CSGALNACT1: variants seen among roughly 807,000 people sequenced by gnomAD.
CSGALNACT1 encodes chondroitin sulfate N-acetylgalactosaminyltransferase 1.
A neutral mutation model predicts 51.0 loss-of-function variants in CSGALNACT1; 52 were observed. The ratio of observed to expected loss-of-function variants is 1.02; its 90% confidence interval spans 0.82 to 1.29. The LOEUF (loss-of-function observed/expected upper bound fraction) is 1.29, where lower values mean the gene tolerates loss of function less well. CSGALNACT1 is among the 50% of genes most tolerant of loss of function. The pLI, the probability that CSGALNACT1 is intolerant of heterozygous loss-of-function variation, is 0.00. For synonymous variants in CSGALNACT1, 341 were observed against 254.4 expected (o/e 1.34, Z -3.24); for missense variants, 935 against 679.2 (o/e 1.38, Z -4.19).
At chr8:19,661,814 C>T (rs1176817060) in intron 1 of CSGALNACT1, among the ~76,000 whole-genome samples, 1 of 152,136 alleles carries the variant, frequency 6.6e-6, no homozygotes, top group Non-Finnish European at 1.5e-5. Context: ...CACGGATATG[C>T]CTTGCCTTTC....
chr8:19,478,794 G>A (rs150269789), intron 4 of CSGALNACT1, among the ~76,000 whole-genome samples: 153 of 152,300 alleles, frequency 1.0e-3, no homozygotes, highest in African/African-American at 3.5e-3. Context: ...ATGTGACGAA[G>A]CTACTTATCC....
chr8:19,645,428 T>C (rs546394900), intron 1 of CSGALNACT1, among the ~76,000 whole-genome samples: 4 of 152,294 alleles, frequency 2.6e-5, no homozygotes, highest in African/African-American at 7.2e-5. Context: ...GTGGAAATTG[T>C]CTAGATTTTG....
chr8:19,639,866 G>A (rs1279581715), intron 1 of CSGALNACT1, among the ~76,000 whole-genome samples: 2 of 151,748 alleles, frequency 1.3e-5, no homozygotes. Context: ...TTTAAGAACA[G>A]TTTTGTTTTG....
At chr8:19,699,821 G>C (rs1197952894) in intron 1 of CSGALNACT1, among the ~76,000 whole-genome samples, 7 of 151,998 alleles carry the variant, frequency 4.6e-5, no homozygotes, top group Non-Finnish European at 1.5e-5. Flanking sequence ...ATTTTTAAAA[G>C]AACTTAGGGG....
At chr8:19,628,222 A>C (rs762951917) in intron 1 of CSGALNACT1, among the ~76,000 whole-genome samples, 2 of 152,162 alleles carry the variant, frequency 1.3e-5, no homozygotes, top group Non-Finnish European at 2.9e-5. Context: ...AGGTTAATAG[A>C]CTCACAGTTC....
At chr8:19,488,116 G>A (rs1372848782) in intron 4 of CSGALNACT1, among the ~76,000 whole-genome samples, 2 of 151,902 alleles carry the variant, frequency 1.3e-5, no homozygotes, top group Admixed American at 6.6e-5. Context: ...TTGGGAGGAC[G>A]AGGTGGGTGG....
At chr8:19,592,088 A>G (rs1256557182) in intron 2 of CSGALNACT1, among the ~76,000 whole-genome samples, 1 of 152,222 alleles carries the variant, frequency 6.6e-6, no homozygotes, top group East Asian at 1.9e-4. Flanking sequence ...GTGTACTTCA[A>G]AAACATTTTC....
At chr8:19,447,909 C>T (rs1279257485) in intron 5 of CSGALNACT1, among the ~76,000 whole-genome samples, 1 of 152,188 alleles carries the variant, frequency 6.6e-6, no homozygotes, top group Non-Finnish European at 1.5e-5. Flanking sequence ...ACTGGGAGCT[C>T]AAGCCAGGAC....
chr8:19,405,059 A>C (rs2053880157), exon 10 of CSGALNACT1: 2 of 453,540 alleles, frequency 4.4e-6, no homozygotes, highest in African/African-American at 4.0e-5. Context: ...TTCTTAAAAA[A>C]TATAAAAATG....
chr8:19,427,212 A>C (rs1164883758), intron 6 of CSGALNACT1, among the ~76,000 whole-genome samples: 2 of 152,218 alleles, frequency 1.3e-5, no homozygotes, highest in Non-Finnish European at 2.9e-5. Flanking sequence ...TCATGTGAGC[A>C]TGAGGCACAG....
At chr8:19,636,990 G>C (rs1052439529) in intron 1 of CSGALNACT1, among the ~76,000 whole-genome samples, 5 of 151,452 alleles carry the variant, frequency 3.3e-5, no homozygotes, top group African/African-American at 1.2e-4. Context: ...AGGAATTCGA[G>C]ATCAGCCTGG....
intron 1 of CSGALNACT1, among the ~76,000 whole-genome samples, chr8:19,621,043 T>A (rs1299399112): frequency 6.6e-6 from 1 of 152,096 alleles, no homozygotes; most frequent in Non-Finnish European, 1.5e-5. Context: ...TTTACGAAAA[T>A]GAAAAATGAA....
rs372387558 is a variant in CSGALNACT1, at chr8:19,548,043, T to C, written c.-296-41913A>G. ...CATCGCTCACATTAACTCTGTGAGG[T>C]TGAAAGTCTGGAAATGTCCAAAGCT... On this transcript the variant is annotated intron_variant, in intron 3 of 9. Coordinates refer to ENST00000454498, the Ensembl canonical transcript of CSGALNACT1. 1.6e-4 allele frequency among the ~76,000 whole-genome samples: 25 copies of C among 152,288 alleles called. 1 individual carries two copies. In the East Asian group the frequency reaches 2.3e-3, roughly 14 times the overall value.
At chr8:19,603,131 AG>A (rs1472718446), upstream of CSGALNACT1, among the ~76,000 whole-genome samples, 2 of 147,072 alleles carry the variant, frequency 1.4e-5, no homozygotes, top group African/African-American at 5.1e-5. Context: ...AAAAAAAAAA[AG>A]TAGAAAGAAA....
At chr8:19,698,245 G>A (rs937794256) in intron 1 of CSGALNACT1, among the ~76,000 whole-genome samples, 13 of 152,178 alleles carry the variant, frequency 8.5e-5, no homozygotes, top group African/African-American at 2.9e-4. Context: ...TCAGTTCCTT[G>A]CCTTCTGGCC....
intron 1 of CSGALNACT1, among the ~76,000 whole-genome samples, chr8:19,641,561 T>A (rs1362320003): frequency 1.3e-5 from 2 of 152,172 alleles, no homozygotes; most frequent in Non-Finnish European, 2.9e-5. Context: ...CAAAAAGAAG[T>A]ACATTGTAAA....
At chr8:19,504,467 G>T (rs371999001) in intron 4 of CSGALNACT1, among the ~76,000 whole-genome samples, 29 of 152,290 alleles carry the variant, frequency 1.9e-4, no homozygotes, top group African/African-American at 6.7e-4. Context: ...TTTTGAACCA[G>T]TAACAATAGA....
intron 4 of CSGALNACT1, among the ~76,000 whole-genome samples, chr8:19,500,427 G>T (rs2076220480): frequency 6.7e-6 from 1 of 149,010 alleles, no homozygotes. Context: ...CACCTGAAAG[G>T]CTGTCTTATG....
intron 1 of CSGALNACT1, among the ~76,000 whole-genome samples, chr8:19,752,244 C>T (rs1290154344): frequency 1.3e-5 from 2 of 149,172 alleles, no homozygotes; most frequent in South Asian, 2.1e-4. Flanking sequence ...CATATATAAC[C>T]TTTCCTATGC....
Sources: allele counts gnomAD v4.1 joint callset (sites outside exome capture counted in the v4.1 genomes callset), GRCh38; gene constraint gnomAD v4.1.1; transcripts MANE v1.5; gene names NCBI Gene and HGNC (gene_info 2026-07-23, HGNC 2026-07-21).